The following NPAS1 variants were observed in gnomAD, a reference collection of about 807,000 sequenced individuals.
The protein encoded by NPAS1 is neuronal PAS domain-containing protein 1.
NPAS1 carries 29 observed loss-of-function variants against 49.2 expected under a neutral mutation model. The observed-to-expected ratio is 0.59, with a 90% CI of 0.44 to 0.80. NPAS1 has a LOEUF of 0.80. NPAS1 is among the 30% of genes least tolerant of loss of function. The pLI, the probability that NPAS1 is intolerant of heterozygous loss-of-function variation, is 0.00. For missense variants in NPAS1, 825 were observed against 835.5 expected, an observed-to-expected ratio of 0.99 and a Z score of 0.15; for synonymous variants, 408 against 380.4, an observed-to-expected ratio of 1.07 and a Z score of -0.84.
At chr19:47,023,889 G>A (rs745965141) in intron 3 of NPAS1, among the ~76,000 whole-genome samples, 17 of 152,182 alleles carry the variant, frequency 1.1e-4, no homozygotes, top group Admixed American at 2.6e-4. Flanking sequence ...GGCAGATCAC[G>A]AGGTCAGGAG....
chr19:47,038,314 T>G lies in NPAS1; in HGVS notation c.689-722T>G, dbSNP rs550060397. ...CGGCCAGATCACGAGGTCAAGAGATTGAGACCATCCTGGCCAACATGGCGA... is the reference window on the plus strand; with the variant it reads ...CGGCCAGATCACGAGGTCAAGAGATGGAGACCATCCTGGCCAACATGGCGA... On this transcript the variant is annotated intron_variant, in intron 6 of 11. Transcript: ENST00000602212. 6.0e-4 allele frequency among the ~76,000 whole-genome samples: 91 copies of G among 152,190 alleles called. 1 individual carries two copies. Among genetic ancestry groups the G allele is most frequent in the Admixed American group, 3.4e-3 (52 of 15,292 alleles).
chr19:47,038,100 A>G (rs926626300), intron 6 of NPAS1, among the ~76,000 whole-genome samples: 9 of 152,230 alleles, frequency 5.9e-5, no homozygotes, highest in South Asian at 2.1e-4. Flanking sequence ...GGCTTCTTGG[A>G]GGAGGAGAAG....
Position 47,045,216 on chromosome 19 carries a change from G to A in NPAS1, c.1338G>A (p.Lys446=), listed in dbSNP as rs758302144. Residue 446 remains lysine, a synonymous_variant, in exon 12 of 12, where the codon AAG becomes AAA. Coordinates refer to ENST00000602212, the MANE Select transcript of NPAS1 (RefSeq NM_002517.4). ...AGCCGGAGCCTCCGACGGAAGGGAA[G>A]CAGGCTGCCCCAGCGGAGAACGAGG... The part of the protein sequence containing the change: ...PTEPEPPTEG[K]QAAPAENEAP... The A allele has an allele frequency of 1.2e-6, 2 of 1,613,792 alleles. No individual in the cohort carries two copies. Among genetic ancestry groups the A allele is most frequent in the African/African-American group, 1.3e-5 (1 of 75,064 alleles).
chr19:47,020,074 TG>T, intron 1 of NPAS1, 77 bp downstream of exon 1: 1 of 33,978 alleles, frequency 2.9e-5, no homozygotes, highest in Non-Finnish European at 5.0e-5. Context: ...TCCAGTGTCC[TG>T]GGGGATAGGG....
Position 47,045,455 on chromosome 19 carries a change from C to T in NPAS1, c.1577C>T (p.Ala526Val). The T allele has an allele frequency of 1.3e-6, 2 of 1,592,380 alleles. No homozygotes were observed. The highest frequency in any genetic ancestry group is 1.1e-5 in the South Asian group (1 of 89,140). Residue 526 changes from alanine (A) to valine (V), a missense_variant, in exon 12 of 12, where the codon GCG becomes GTG. Physicochemically the swap from Ala to Val is moderately conservative, Grantham distance 64. Coordinates refer to ENST00000602212, the MANE Select transcript of NPAS1 (RefSeq NM_002517.4). ...PGDPPPTLLHAGFLPPVVRGL... is the reference protein window; with the variant it reads ...PGDPPPTLLHVGFLPPVVRGL... ...GACCCCCCGCCCACCCTCCTGCACG[C>T]GGGCTTCCTGCCGCCGGTGGTGCGG...
At chr19:47,041,326 G>A (rs1282824173) in intron 10 of NPAS1, among the ~76,000 whole-genome samples, 5 of 152,090 alleles carry the variant, frequency 3.3e-5, no homozygotes, top group East Asian at 3.9e-4. Flanking sequence ...GAGAGGAGTC[G>A]CCAGGGGGAG....
intron 3 of NPAS1, among the ~76,000 whole-genome samples, chr19:47,022,301 G>A (rs2056847365): frequency 6.6e-6 from 1 of 152,210 alleles, no homozygotes; most frequent in Non-Finnish European, 1.5e-5. Context: ...AGTTGGAGGA[G>A]CAAGAGGGAG....
Position 47,039,524 on chromosome 19 carries a change from C to T in NPAS1, c.922C>T (p.Arg308Cys), listed in dbSNP as rs1221836085. The T allele has an allele frequency of 3.1e-6, 5 of 1,604,936 alleles. No homozygotes were observed. The highest frequency in any genetic ancestry group is 3.4e-6 in the Non-Finnish European group (4 of 1,174,534). Residue 308 changes from arginine (R) to cysteine (C), a missense_variant, in exon 8 of 12, where the codon CGT becomes TGT. Physicochemically the swap from Arg to Cys is radical, Grantham distance 180 (BLOSUM62 -3). Coordinates refer to ENST00000602212, the MANE Select transcript of NPAS1 (RefSeq NM_002517.4). ...LPLHGHMIVFRLSLGLTILAC... is the reference protein window; with the variant it reads ...LPLHGHMIVFCLSLGLTILAC... ...ACTCCATGGACACATGATCGTCTTC[C>T]GTCTCAGCCTGGGTCTCACCATCCT... is the stretch of plus-strand genomic sequence containing the variant.
chr19:47,020,379 G>C (rs933215674), intron 1 of NPAS1, among the ~76,000 whole-genome samples: 2 of 151,762 alleles, frequency 1.3e-5, no homozygotes, highest in African/African-American at 4.8e-5. Context: ...GCTGCGTCCG[G>C]GGCTGGGGCT....
At position 47,021,015 on chromosome 19, in the gene NPAS1, G is replaced by A; in HGVS notation, c.-33G>A. The A allele has an allele frequency of 6.4e-7, 1 of 1,573,898 alleles. No individual in the cohort carries two copies. The highest frequency in any genetic ancestry group is 1.2e-5 in the South Asian group (1 of 86,712). ...CCCCCTCCCGCTGCAGGAGACTCGG[G>A]GCTCGGAGCCCGCCTGAGCGAGCCC... On this transcript the variant is annotated 5_prime_UTR_variant, in exon 2 of 12. Coordinates refer to ENST00000602212, the MANE Select transcript of NPAS1 (RefSeq NM_002517.4). This position sits in a 1 kb window ranked among gnomAD's most constrained non-coding sequence, Gnocchi z 5.7.
At chr19:47,039,770 G>A (rs958503368) in intron 8 of NPAS1, among the ~76,000 whole-genome samples, 1 of 152,142 alleles carries the variant, frequency 6.6e-6, no homozygotes, top group South Asian at 2.1e-4. Flanking sequence ...GGGTGCCTTC[G>A]GGGATGGAAG....
At chr19:47,031,643 G>C (rs1432553478) in intron 3 of NPAS1, among the ~76,000 whole-genome samples, 1 of 151,060 alleles carries the variant, frequency 6.6e-6, no homozygotes, top group Non-Finnish European at 1.5e-5. Flanking sequence ...CGATTCTCCT[G>C]CCTCAACCTC....
chr19:47,040,763 G>A (rs2057011383), intron 9 of NPAS1: 4 of 601,950 alleles, frequency 6.6e-6, no homozygotes, highest in Admixed American at 3.0e-5. Flanking sequence ...GGGGGCTGTG[G>A]GGTCTCCAAA....
chr19:47,039,533 C>G lies in NPAS1; in HGVS notation c.931C>G (p.Leu311Val). 2 of 1,597,886 alleles carry G rather than the reference C, an allele frequency of 1.3e-6. No individual in the cohort carries two copies. The highest frequency in any genetic ancestry group is 1.7e-6 in the Non-Finnish European group (2 of 1,170,202). Reference protein sequence around the residue: ...HGHMIVFRLSLGLTILACESR... With the variant: ...HGHMIVFRLSVGLTILACESR... The stretch of plus-strand genomic sequence containing the variant: ...ACACATGATCGTCTTCCGTCTCAGC[C>G]TGGGTCTCACCATCCTTGCTTGTGA... Residue 311 changes from leucine to valine, a missense_variant, in exon 8 of 12, where the codon CTG becomes GTG. Coordinates refer to ENST00000602212, the MANE Select transcript of NPAS1 (RefSeq NM_002517.4).
chr19:47,027,815 A>G (rs1387493605), intron 3 of NPAS1, among the ~76,000 whole-genome samples: 1 of 152,082 alleles, frequency 6.6e-6, no homozygotes, highest in Non-Finnish European at 1.5e-5. Flanking sequence ...GTGTTTGTTA[A>G]ATGGATGAGT....
rs1025071109 is a variant in NPAS1, at chr19:47,032,447, G to C, written c.432+96G>C. 5.1e-6 allele frequency: 7 copies of C among 1,368,138 alleles called. No individual in the cohort carries two copies. The East Asian group carries it at 1.6e-4, about 31-fold the overall frequency. The allele number at this position is 1,368,138 out of a possible 1,614,324, so 84.7% of individuals were successfully genotyped here. A position where few individuals can be genotyped will look rare whatever the true frequency, so the allele number is the denominator to read the frequency against. ...CTCTTCAGCATCCATCTATTGTGGG[G>C]GGTACCTGGACTGGGAAGGCGAATG... On this transcript the variant is annotated intron_variant, in intron 4 of 11. Coordinates refer to ENST00000602212, the MANE Select transcript of NPAS1 (RefSeq NM_002517.4).
chr19:47,022,674 G>A (rs12611413), intron 3 of NPAS1, among the ~76,000 whole-genome samples: 1 of 152,224 alleles, frequency 6.6e-6, no homozygotes. Flanking sequence ...TGAGCGCTGG[G>A]ATTGAGCAGG....
intron 11 of NPAS1, 80 bp from the exon 12 acceptor site, chr19:47,045,111 A>G (rs2057061968): frequency 7.2e-7 from 1 of 1,379,832 alleles, no homozygotes; most frequent in African/African-American, 1.5e-5. Flanking sequence ...GGTCTGGCCC[A>G]CTAAGCACAG....
chr19:47,020,928 A>C, intron 1 of NPAS1, 78 bp from the exon 2 acceptor site: 1 of 301,110 alleles, frequency 3.3e-6, no homozygotes, highest in South Asian at 4.0e-5. Context: ...TGGGACCCTG[A>C]GCCCTGCACG....
Sources: gnomAD v4.1 joint callset for allele counts (sites outside exome capture counted in the v4.1 genomes callset) on GRCh38, gnomAD v4.1.1 for gene constraint, Gnocchi (gnomAD v3.1) non-coding constraint, MANE v1.5 for transcripts, NCBI Gene and HGNC (gene_info 2026-07-23, HGNC 2026-07-21) for gene names.